Variants in BMPR1B observed in about 807,000 individuals in gnomAD.
BMPR1B encodes the protein bone morphogenetic protein receptor type-1B.
In BMPR1B, 12 loss-of-function variants were observed where a neutral mutation model predicts 59.1. The observed-to-expected ratio is 0.20, with a 90% confidence interval of 0.13 to 0.33. The LOEUF is 0.33. BMPR1B is among the 10% of genes least tolerant of loss of function. The pLI is 1.00. For missense variants in BMPR1B, 550 were observed against 610.9 expected, an observed-to-expected ratio of 0.90 and a Z score of 1.05; for synonymous variants, 237 against 207.3, an observed-to-expected ratio of 1.14 and a Z score of -1.23.
At chr4:94,768,971 T>C (rs1345168378) in intron 1 of BMPR1B, among the ~76,000 whole-genome samples, 1 of 152,214 alleles carries the variant, frequency 6.6e-6, no homozygotes, top group Non-Finnish European at 1.5e-5. Context: ...TCTATAATTA[T>C]ACAGGTTTTC....
intron 1 of BMPR1B, among the ~76,000 whole-genome samples, chr4:94,784,524 T>TC (rs1441612914): frequency 6.6e-6 from 1 of 152,194 alleles, no homozygotes; most frequent in African/African-American, 2.4e-5. Context: ...TAAAATTTTT[T>TC]CTTTTTTTTG....
At chr4:94,918,946 T>A (rs1287018243) in intron 2 of BMPR1B, among the ~76,000 whole-genome samples, 2 of 152,138 alleles carry the variant, frequency 1.3e-5, no homozygotes, top group Non-Finnish European at 2.9e-5. Context: ...GAACCTGGCT[T>A]TATACAAAGT....
At chr4:94,852,406 A>G (rs1446983367) in intron 1 of BMPR1B, among the ~76,000 whole-genome samples, 1 of 152,170 alleles carries the variant, frequency 6.6e-6, no homozygotes, top group Non-Finnish European at 1.5e-5. Flanking sequence ...ATTTTAGCAT[A>G]TAATTAACCA....
chr4:95,099,222 A>G (rs1337093804), intron 3 of BMPR1B, among the ~76,000 whole-genome samples: 1 of 152,170 alleles, frequency 6.6e-6, no homozygotes, highest in Non-Finnish European at 1.5e-5. Context: ...TAGCTAGAGA[A>G]GTTCCTTCTT....
intron 2 of BMPR1B, among the ~76,000 whole-genome samples, chr4:94,936,449 A>G (rs1304604198): frequency 6.6e-6 from 1 of 152,130 alleles, no homozygotes; most frequent in African/African-American, 2.4e-5. Flanking sequence ...AAGCCTGATG[A>G]ACAGGTATGT....
At chr4:95,052,054 C>G (rs1182867190) in intron 3 of BMPR1B, among the ~76,000 whole-genome samples, 1 of 152,174 alleles carries the variant, frequency 6.6e-6, no homozygotes, top group Non-Finnish European at 1.5e-5. Context: ...AATTCATTCT[C>G]AATATACTGT....
chr4:95,152,117 T>A (rs1735089599), intron 11 of BMPR1B, among the ~76,000 whole-genome samples: 1 of 152,148 alleles, frequency 6.6e-6, no homozygotes. Flanking sequence ...ATGGTTAATA[T>A]TTTTGGGTGT....
intron 1 of BMPR1B, among the ~76,000 whole-genome samples, chr4:94,772,761 T>C (rs1722230101): frequency 6.6e-6 from 1 of 152,176 alleles, no homozygotes; most frequent in Admixed American, 6.5e-5. Context: ...TGATCCAGCT[T>C]ATTTTAAAAT....
At chr4:94,832,043 A>G (rs1162636079) in intron 1 of BMPR1B, among the ~76,000 whole-genome samples, 1 of 150,904 alleles carries the variant, frequency 6.6e-6, no homozygotes, top group African/African-American at 2.4e-5. Flanking sequence ...TTATTTCATT[A>G]TGTATTACAA....
chr4:94,847,318 C>G (rs1725371836), intron 1 of BMPR1B, among the ~76,000 whole-genome samples: 1 of 152,108 alleles, frequency 6.6e-6, no homozygotes, highest in Admixed American at 6.5e-5. Context: ...ATATGGGAAT[C>G]CTTGTACACT....
At chr4:94,972,435 T>C (rs1730831669) in intron 2 of BMPR1B, among the ~76,000 whole-genome samples, 1 of 152,122 alleles carries the variant, frequency 6.6e-6, no homozygotes, top group East Asian at 1.9e-4. Flanking sequence ...AGATAACATT[T>C]TGGTTAATTT....
At chr4:95,044,652 G>A (rs532122749) in intron 3 of BMPR1B, among the ~76,000 whole-genome samples, 2 of 152,242 alleles carry the variant, frequency 1.3e-5, no homozygotes, top group Non-Finnish European at 2.9e-5. Context: ...ATAATGTGTC[G>A]CTCGTTCAAG....
At chr4:95,071,656 A>ATATATATATG (rs1254216910) in intron 3 of BMPR1B, among the ~76,000 whole-genome samples, 3 of 97,030 alleles carry the variant, frequency 3.1e-5, no homozygotes, top group Admixed American at 1.0e-4. Flanking sequence ...GTGTGTGTAT[A>ATATATATATG]TATATATATA....
intron 1 of BMPR1B, among the ~76,000 whole-genome samples, chr4:94,862,944 CAAAAAAA>C (rs768809079): frequency 2.1e-5 from 1 of 47,232 alleles, no homozygotes; most frequent in Non-Finnish European, 4.2e-5. Flanking sequence ...GACTCCGTCT[CAAAAAAA>C]AAAAAAAAAA....
Position 95,097,583 on chromosome 4 carries a change from G to A in BMPR1B, c.-17-6825G>A, listed in dbSNP as rs531117073. Among the ~76,000 whole-genome samples the A allele has an allele frequency of 7.1e-4, 108 of 152,088 alleles. 1 individual carries two copies. The highest frequency in any genetic ancestry group is 2.6e-3 in the African/African-American group (107 of 41,508). ...AGACAGAGTCTCGATCTGTCGCCAGGCTGGAGTGCAGTGGTGTGATCTCAG... is the reference window on the plus strand; with the variant it reads ...AGACAGAGTCTCGATCTGTCGCCAGACTGGAGTGCAGTGGTGTGATCTCAG... On this transcript the variant is annotated intron_variant, in intron 3 of 12. Transcript: ENST00000515059.
chr4:95,149,690 TTGA>T (rs1314235023), intron 11 of BMPR1B, among the ~76,000 whole-genome samples: 1 of 152,234 alleles, frequency 6.6e-6, no homozygotes, highest in Non-Finnish European at 1.5e-5. Flanking sequence ...TTAAAAAACC[TTGA>T]TGCTGCTGCT....
chr4:95,097,704 A>G (rs1300081613), intron 3 of BMPR1B, among the ~76,000 whole-genome samples: 1 of 151,874 alleles, frequency 6.6e-6, no homozygotes, highest in Non-Finnish European at 1.5e-5. Flanking sequence ...TGCCCAGCTA[A>G]TTTTTGTATT....
Position 95,148,850 on chromosome 4 carries a change from G to T in BMPR1B, c.1179G>T (p.Gln393His), listed in dbSNP as rs758874215. The T allele has an allele frequency of 6.2e-7, 1 of 1,614,052 alleles. No homozygotes were observed. Among genetic ancestry groups the T allele is most frequent in the Non-Finnish European group, 8.5e-7 (1 of 1,179,946 alleles). The change falls in exon 11 of 13, where the codon CAG (glutamine) becomes CAT (histidine). Residue 393 changes from glutamine (Q) to histidine (H), a missense_variant. By Grantham distance (24) the Gln-to-His change is conservative (BLOSUM62 0). Around this residue, in one of 6 missense-constraint regions of BMPR1B, gnomAD observed 123 missense variants for 164.6 expected, o/e 0.75. Transcript: ENST00000515059. ...AGAGCTTGAACAGAAATCACTTCCA[G>T]TCTTACATCATGGCTGACATGTATA... Reference protein sequence around the residue: ...LDESLNRNHFQSYIMADMYSF... With the variant: ...LDESLNRNHFHSYIMADMYSF...
chr4:94,775,411 G>T (rs926886360), intron 1 of BMPR1B, among the ~76,000 whole-genome samples: 1 of 152,266 alleles, frequency 6.6e-6, no homozygotes, highest in Admixed American at 6.5e-5. Flanking sequence ...CAAAATGTTC[G>T]TATTGAAATA....
Sources: allele counts gnomAD v4.1 joint callset (sites outside exome capture counted in the v4.1 genomes callset), GRCh38; gene constraint gnomAD v4.1.1; regional missense constraint gnomAD v4.1.1; transcripts MANE v1.5; gene names NCBI Gene and HGNC (gene_info 2026-07-23, HGNC 2026-07-21).